Variants in GALNT14 observed in about 807,000 individuals in gnomAD.
The protein encoded by GALNT14 is polypeptide N-acetylgalactosaminyltransferase 14.
Under a neutral mutation model 77.5 loss-of-function variants are expected in GALNT14, and 60 were observed. That is an observed-to-expected ratio of 0.77 (90% CI 0.63 to 0.96). GALNT14 has a LOEUF of 0.96. GALNT14 is among the 40% of genes least tolerant of loss of function. The probability of loss-of-function intolerance (pLI) is 0.00; values close to 1 mark genes in which losing one functional copy is unlikely to be tolerated. For synonymous variants in GALNT14, 280 were observed against 281.7 expected, an observed-to-expected ratio of 0.99 and a Z score of 0.06; for missense variants, 710 against 731.0, an observed-to-expected ratio of 0.97 and a Z score of 0.33.
In GALNT14 at chr2:31,138,186, G is replaced by T; in HGVS notation, c.-100C>A. On this transcript the variant is annotated 5_prime_UTR_variant, in exon 1 of 15. Transcript: ENST00000349752. ...GGAGTCCTGGCGAGCGCCTCGCTCT[G>T]GGGAGCTCTAGACCCAGGATCCGGT... The T allele has an allele frequency of 6.7e-7, 1 of 1,489,672 alleles. No homozygotes were observed. 92.3% of individuals were successfully genotyped at this position (1,489,672 alleles called of 1,614,324 possible).
chr2:31,025,893 T>C (rs1036268340), intron 1 of GALNT14, among the ~76,000 whole-genome samples: 1 of 152,328 alleles, frequency 6.6e-6, no homozygotes, highest in South Asian at 2.1e-4. Context: ...GACTGCAATT[T>C]CTTTCTTTTT....
intron 6 of GALNT14, among the ~76,000 whole-genome samples, chr2:30,950,906 A>G (rs1232851222): frequency 6.6e-6 from 1 of 152,194 alleles, no homozygotes; most frequent in East Asian, 1.9e-4. Context: ...TTCTGAGATG[A>G]ACTTGGGACC....
At chr2:31,132,088 C>T (rs1301999773) in intron 1 of GALNT14, among the ~76,000 whole-genome samples, 1 of 152,150 alleles carries the variant, frequency 6.6e-6, no homozygotes, top group Non-Finnish European at 1.5e-5. Flanking sequence ...CTGCAGGTCC[C>T]TGGGACAGGG....
At chr2:31,064,183 TG>T (rs1423032893) in intron 1 of GALNT14, among the ~76,000 whole-genome samples, 4 of 152,218 alleles carry the variant, frequency 2.6e-5, no homozygotes, top group Non-Finnish European at 4.4e-5. Context: ...GGATAGAGAC[TG>T]AAATTCAACT....
At chr2:31,008,110 G>A (rs1482943005) in intron 1 of GALNT14, among the ~76,000 whole-genome samples, 3 of 152,210 alleles carry the variant, frequency 2.0e-5, no homozygotes, top group East Asian at 3.9e-4. Flanking sequence ...ATTGGAGACA[G>A]GGTCTTGCTT....
rs1251304737 is a variant in GALNT14 at position 31,127,687 on chromosome 2, T to C, written c.129+10271A>G. 5.3e-5 allele frequency among the ~76,000 whole-genome samples: 8 copies of C among 152,242 alleles called. No homozygotes were observed. The South Asian group carries it at 1.4e-3, about 28-fold the overall frequency. ...TTGCAGGGTCATAGATGTACACATA[T>C]GTTTAGCTTTAGTAGACACTGCCAA... On this transcript the variant is annotated intron_variant, in intron 1 of 14. Transcript: ENST00000349752.
At chr2:31,090,214 G>A (rs1426042546) in intron 1 of GALNT14, among the ~76,000 whole-genome samples, 2 of 152,256 alleles carry the variant, frequency 1.3e-5, no homozygotes, top group East Asian at 3.9e-4. Context: ...GGCTGGGTGA[G>A]GGCCCCCTCT....
chr2:30,909,719 C>G (rs1338802785), downstream of GALNT14, among the ~76,000 whole-genome samples: 2 of 151,798 alleles, frequency 1.3e-5, no homozygotes, highest in South Asian at 2.1e-4. Context: ...GGTATATACC[C>G]AAAGGACTAT....
At chr2:31,002,552 C>A (rs1008091180) in intron 1 of GALNT14, among the ~76,000 whole-genome samples, 1 of 152,216 alleles carries the variant, frequency 6.6e-6, no homozygotes, top group Non-Finnish European at 1.5e-5. Flanking sequence ...CCACTGTCAG[C>A]TAGTCATAAA....
intron 1 of GALNT14, among the ~76,000 whole-genome samples, chr2:31,085,076 CAG>C (rs1676360030): frequency 6.6e-6 from 1 of 151,854 alleles, no homozygotes; most frequent in Admixed American, 6.6e-5. Context: ...GCATGGGACA[CAG>C]TGTAGTACTC....
intron 1 of GALNT14, among the ~76,000 whole-genome samples, chr2:31,026,285 AG>A (rs1672049578): frequency 6.6e-6 from 1 of 152,200 alleles, no homozygotes; most frequent in Admixed American, 6.5e-5. Flanking sequence ...GAGGCCTTGT[AG>A]AAGCTTTACT....
chr2:31,112,112 C>T (rs1298229895), intron 1 of GALNT14, among the ~76,000 whole-genome samples: 1 of 151,962 alleles, frequency 6.6e-6, no homozygotes, highest in East Asian at 1.9e-4. Context: ...CTGGGAAAGG[C>T]TGGTGGTCAC....
At position 31,138,015 on chromosome 2, in the gene GALNT14, G is replaced by C; in HGVS notation, c.72C>G (p.Phe24Leu). 1.2e-6 allele frequency: 2 copies of C among 1,613,854 alleles called. No homozygotes were observed. The highest frequency in any genetic ancestry group is 1.7e-6 in the Non-Finnish European group (2 of 1,179,818). ...CCTCCAACTTCCTCTTGGTTACCCAGAAGAACAGCAGCACCGTGATCCAGA... is the reference window on the plus strand; with the variant it reads ...CCTCCAACTTCCTCTTGGTTACCCACAAGAACAGCAGCACCGTGATCCAGA... ...GVLWITVLLF[F>L]WVTKRKLEVP... The change falls in exon 1 of 15, where the codon TTC (phenylalanine) becomes TTG (leucine). Residue 24 changes from phenylalanine to leucine, a missense_variant. Transcript: ENST00000349752.
intron 1 of GALNT14, among the ~76,000 whole-genome samples, chr2:31,063,919 A>G (rs1674769186): frequency 6.6e-6 from 1 of 152,190 alleles, no homozygotes; most frequent in African/African-American, 2.4e-5. Context: ...TCTCCCTGGT[A>G]GTACCTAGGT....
intron 1 of GALNT14, among the ~76,000 whole-genome samples, chr2:31,137,062 C>T (rs1679257002): frequency 6.6e-6 from 1 of 152,206 alleles, no homozygotes; most frequent in South Asian, 2.1e-4. Context: ...GGCCTCCTTC[C>T]GTGTCCCCGG....
chr2:31,014,862 A>G (rs1260542983), intron 1 of GALNT14, among the ~76,000 whole-genome samples: 1 of 152,192 alleles, frequency 6.6e-6, no homozygotes, highest in Non-Finnish European at 1.5e-5. Flanking sequence ...CAAGAACCCC[A>G]GAGAAAGGAA....
At chr2:30,963,813 T>C (rs1005890080) in intron 3 of GALNT14, among the ~76,000 whole-genome samples, 2 of 152,218 alleles carry the variant, frequency 1.3e-5, no homozygotes, top group Non-Finnish European at 2.9e-5. Flanking sequence ...CCTCCTTTCT[T>C]TGATCAAGCA....
At chr2:30,912,879 G>A (rs1408722651) in intron 13 of GALNT14, among the ~76,000 whole-genome samples, 1 of 152,188 alleles carries the variant, frequency 6.6e-6, no homozygotes, top group Non-Finnish European at 1.5e-5. Context: ...TGGAACAAGT[G>A]TTCCAAGGGA....
At chr2:31,054,650 C>G (rs907688501) in intron 1 of GALNT14, among the ~76,000 whole-genome samples, 2 of 152,204 alleles carry the variant, frequency 1.3e-5, no homozygotes, top group Admixed American at 6.5e-5. Context: ...CATAACAGGT[C>G]ACTGCAAGCT....
Sources: gnomAD v4.1 joint callset for allele counts (sites outside exome capture counted in the v4.1 genomes callset) on GRCh38, gnomAD v4.1.1 for gene constraint, MANE v1.5 for transcripts, NCBI Gene and HGNC (gene_info 2026-07-23, HGNC 2026-07-21) for gene names.